ZNF383: variants seen among roughly 807,000 people sequenced by gnomAD.
ZNF383 encodes the protein zinc finger protein 383.
Under a neutral mutation model 44.2 loss-of-function variants are expected in ZNF383, and 32 were observed. The observed-to-expected ratio is 0.72, with a 90% CI of 0.55 to 0.97. The LOEUF (loss-of-function observed/expected upper bound fraction) is 0.97. ZNF383 is among the 50% of genes least tolerant of loss of function. ZNF383 has a pLI of 0.00. For missense variants in ZNF383, 487 were observed against 562.5 expected (o/e 0.87, Z 1.36); for synonymous variants, 155 against 186.2 (o/e 0.83, Z 1.36).
chr19:37,236,954 AACAC>A (rs35036376), intron 5 of ZNF383, among the ~76,000 whole-genome samples: 24,391 of 146,658 alleles, frequency 0.17, 2,016 homozygotes, highest in South Asian at 0.21. Context: ...CACACATGTG[AACAC>A]ACACACACAC....
At chr19:37,218,812 G>C (rs1972789447) in intron 1 of ZNF383, among the ~76,000 whole-genome samples, 1 of 152,102 alleles carries the variant, frequency 6.6e-6, no homozygotes, top group Non-Finnish European at 1.5e-5. Context: ...AATCGTGCCG[G>C]GGTGATATGT....
At chr19:37,229,822 A>G (rs1177395070) in intron 2 of ZNF383, among the ~76,000 whole-genome samples, 1 of 146,592 alleles carries the variant, frequency 6.8e-6, no homozygotes, top group Admixed American at 6.9e-5. Context: ...TTTTTTCAAT[A>G]AAACAGAGCT....
intron 1 of ZNF383, chr19:37,219,323 TC>T (rs1278165597): frequency 1.3e-5 from 2 of 153,100 alleles, no homozygotes; most frequent in Non-Finnish European, 2.9e-5. Flanking sequence ...TGGCGCAATC[TC>T]GGCTCACCGC....
intron 4 of ZNF383, 85 bp from the exon 5 acceptor site, chr19:37,235,894 G>T (rs1973766056): frequency 7.7e-7 from 1 of 1,294,970 alleles, no homozygotes; most frequent in Non-Finnish European, 1.1e-6. Flanking sequence ...TGTTCCTGTA[G>T]TGGCATCTCT....
intron 3 of ZNF383, 64 bp downstream of exon 3, chr19:37,230,526 A>G: frequency 1.3e-6 from 2 of 1,555,990 alleles, no homozygotes; most frequent in Non-Finnish European, 8.8e-7. Context: ...AGACATGAGC[A>G]TTTGCTTTCC....
At position 37,243,717 on chromosome 19, in the gene ZNF383, C is replaced by A; in HGVS notation, c.*53C>A. 1 of 1,221,952 alleles carries A rather than the reference C, an allele frequency of 8.2e-7. No homozygotes were observed. Among genetic ancestry groups the A allele is most frequent in the South Asian group, 1.8e-5 (1 of 56,108 alleles). 75.7% of individuals were successfully genotyped at this position (1,221,952 alleles called of 1,614,324 possible). On this transcript the variant is annotated 3_prime_UTR_variant, in exon 6 of 6. Coordinates refer to ENST00000684119, the MANE Select transcript of ZNF383 (RefSeq NM_001387601.1). Reference sequence around the variant, plus strand: ...TCATATTTTAAACCAAAAATCATGTCTAATAGTTACCCTCTTCCGTAGTTT... The same window carrying A: ...TCATATTTTAAACCAAAAATCATGTATAATAGTTACCCTCTTCCGTAGTTT...
intron 5 of ZNF383, among the ~76,000 whole-genome samples, chr19:37,239,441 C>T (rs910510723): frequency 6.6e-6 from 1 of 152,110 alleles, no homozygotes; most frequent in Non-Finnish European, 1.5e-5. Context: ...ACTAGGCTTG[C>T]CACTAGGTCT....
intron 5 of ZNF383, among the ~76,000 whole-genome samples, chr19:37,242,262 G>A (rs570421692): frequency 1.6e-4 from 25 of 151,654 alleles, no homozygotes; most frequent in East Asian, 1.6e-3. Context: ...ACTTATTTGC[G>A]TAGTTACCTT....
chr19:37,222,764 C>A (rs936948196), intron 1 of ZNF383, among the ~76,000 whole-genome samples: 7 of 152,274 alleles, frequency 4.6e-5, no homozygotes, highest in Admixed American at 2.0e-4. Flanking sequence ...CTGCCGGGAA[C>A]ATTCTTTTAC....
intron 5 of ZNF383, among the ~76,000 whole-genome samples, chr19:37,236,862 C>T (rs976234763): frequency 6.6e-6 from 1 of 151,994 alleles, no homozygotes; most frequent in African/African-American, 2.4e-5. Context: ...GCCACCGCGT[C>T]CGGCCCCTCT....
chr19:37,237,058 A>G (rs1973850246), intron 5 of ZNF383, among the ~76,000 whole-genome samples: 1 of 151,736 alleles, frequency 6.6e-6, no homozygotes, highest in Non-Finnish European at 1.5e-5. Flanking sequence ...CCTGTCAGTG[A>G]CCTGTTTTAT....
chr19:37,228,824 A>G (rs1191016584), intron 2 of ZNF383, among the ~76,000 whole-genome samples: 1 of 152,206 alleles, frequency 6.6e-6, no homozygotes, highest in Non-Finnish European at 1.5e-5. Flanking sequence ...AGGATAAGAA[A>G]AGAACACATA....
chr19:37,222,269 G>T (rs1972960259), intron 1 of ZNF383, among the ~76,000 whole-genome samples: 1 of 151,724 alleles, frequency 6.6e-6, no homozygotes. Flanking sequence ...ATAATATGTA[G>T]TATAAATATA....
chr19:37,234,627 C>T (rs534017483), intron 3 of ZNF383, among the ~76,000 whole-genome samples: 174 of 151,646 alleles, frequency 1.1e-3, no homozygotes, highest in African/African-American at 3.5e-3. Context: ...CCTGACCTCG[C>T]GATCAGCCCG....
Position 37,243,520 on chromosome 19 carries a change from A to G in ZNF383, c.1284A>G (p.Gly428=), listed in dbSNP as rs938357517. The part of the protein sequence containing the change: ...DEKPYECNEC[G]KAFNKCSNLT... ...AACCATATGAATGTAATGAATGTGG[A>G]AAGGCCTTTAATAAATGCTCAAACC... is the stretch of plus-strand genomic sequence containing the variant. The change falls in exon 6 of 6, where the codon GGA becomes GGG. Residue 428 remains glycine, a synonymous_variant. Coordinates refer to ENST00000684119, the MANE Select transcript of ZNF383 (RefSeq NM_001387601.1). 1 of 1,613,930 alleles carries G rather than the reference A, an allele frequency of 6.2e-7. No homozygotes were observed. Among genetic ancestry groups the G allele is most frequent in the Non-Finnish European group, 8.5e-7 (1 of 1,180,004 alleles).
chr19:37,242,597 T>C lies in ZNF383; in HGVS notation c.361T>C (p.Leu121=). 2 of 1,614,072 alleles carry C rather than the reference T, an allele frequency of 1.2e-6. No homozygotes were observed. Among genetic ancestry groups the C allele is most frequent in the Non-Finnish European group, 1.7e-6 (2 of 1,179,964 alleles). Reference sequence around the variant, plus strand: ...TGAGTACTCCAGTTTTGGAGATGTTTTGGAATATAGAAGCCACCTTGCAAA... The same window carrying C: ...TGAGTACTCCAGTTTTGGAGATGTTCTGGAATATAGAAGCCACCTTGCAAA... ...GLEYSSFGDV[L]EYRSHLAKQL... Residue 121 remains leucine, a synonymous_variant, in exon 6 of 6, where the codon TTG becomes CTG. Transcript: ENST00000684119.
rs1974285459 is a variant in ZNF383, at chr19:37,244,534, C to T, written c.*870C>T. 1 of 152,194 alleles carries T rather than the reference C, an allele frequency of 6.6e-6. No homozygotes were observed. Among genetic ancestry groups the T allele is most frequent in the Non-Finnish European group, 1.5e-5 (1 of 68,092 alleles). The allele number at this position is 152,194 out of a possible 1,614,324, so 9.4% of individuals were successfully genotyped here. A position where few individuals can be genotyped will look rare whatever the true frequency, so the allele number is the denominator to read the frequency against. On this transcript the variant is annotated 3_prime_UTR_variant, in exon 6 of 6. Coordinates refer to ENST00000684119, the MANE Select transcript of ZNF383 (RefSeq NM_001387601.1). ...TTGGGATTACAGGCATGTGCCACAACACCCGGCTAATTTTTTGTATTTTTA... is the reference window on the plus strand; with the variant it reads ...TTGGGATTACAGGCATGTGCCACAATACCCGGCTAATTTTTTGTATTTTTA...
intron 1 of ZNF383, among the ~76,000 whole-genome samples, chr19:37,222,490 C>T (rs1972971380): frequency 6.6e-6 from 1 of 152,158 alleles, no homozygotes; most frequent in African/African-American, 2.4e-5. Context: ...GATTCTCCTG[C>T]CTCAGCCTCT....
chr19:37,236,108 C>T (rs747698704), intron 5 of ZNF383, 34 bp downstream of exon 5: 40 of 1,565,628 alleles, frequency 2.6e-5, no homozygotes, highest in Non-Finnish European at 3.0e-5. Context: ...GAGAAAGTCA[C>T]GATAGGTCAG....
Sources: gnomAD v4.1 joint callset for allele counts (sites outside exome capture counted in the v4.1 genomes callset) on GRCh38, gnomAD v4.1.1 for gene constraint, MANE v1.5 for transcripts, NCBI Gene and HGNC (gene_info 2026-07-23, HGNC 2026-07-21) for gene names.